TMEM143: variants seen among roughly 807,000 people sequenced by gnomAD.
The protein encoded by TMEM143 is transmembrane protein 143.
TMEM143 carries 45 observed loss-of-function variants against 40.3 expected under a neutral mutation model. The observed-to-expected ratio is 1.12, with a 90% CI of 0.88 to 1.43. The LOEUF is 1.43. Among genes scored for constraint, TMEM143 ranks in the 40% most tolerant of loss-of-function variants. The pLI, the probability that TMEM143 is intolerant of heterozygous loss-of-function variation, is 0.00. For synonymous variants in TMEM143, 299 were observed against 282.7 expected (o/e 1.06, Z -0.58); for missense variants, 620 against 613.4 (o/e 1.01, Z -0.11).
intron 4 of TMEM143, among the ~76,000 whole-genome samples, chr19:48,344,247 T>C (rs1014883727): frequency 3.3e-5 from 5 of 151,934 alleles, no homozygotes; most frequent in Admixed American, 3.3e-4. Flanking sequence ...CTTGGTTTTT[T>C]TTTTCTTTTT....
At chr19:48,354,271 T>C (rs971087785) in intron 3 of TMEM143, among the ~76,000 whole-genome samples, 5 of 148,170 alleles carry the variant, frequency 3.4e-5, no homozygotes, top group African/African-American at 7.5e-5. Flanking sequence ...TTTCTTTTTT[T>C]TTTTTTTTTT....
intron 6 of TMEM143, among the ~76,000 whole-genome samples, chr19:48,338,031 C>T (rs1969409816): frequency 9.0e-6 from 1 of 111,662 alleles, no homozygotes; most frequent in Non-Finnish European, 2.0e-5. Context: ...AGGGTCCCTT[C>T]AGCACTACCG....
At chr19:48,342,978 T>C in intron 5 of TMEM143, 169 bp from the exon 6 acceptor site, 1 of 821,110 alleles carries the variant, frequency 1.2e-6, no homozygotes, top group South Asian at 1.9e-5. Flanking sequence ...CCACAGGGGA[T>C]CGGTTCAATC....
Position 48,333,002 on chromosome 19 carries a change from CT to C in TMEM143, c.*216del. ...ATGGAACAGAAGCAGAGCTAAATCGCTTTGATTGGCTGTTCATCGAAGGGGC... is the reference window on the plus strand; with the variant it reads ...ATGGAACAGAAGCAGAGCTAAATCGCTTGATTGGCTGTTCATCGAAGGGGC... On this transcript the variant is annotated 3_prime_UTR_variant, in exon 8 of 8. Transcript: ENST00000293261. The surrounding 1 kb of genome is among the most constrained non-coding windows in gnomAD (Gnocchi z 4.1). The C allele has an allele frequency of 7.6e-6, 3 of 395,600 alleles. No homozygotes were observed. In the South Asian group the frequency reaches 2.9e-4, roughly 38 times the overall value. 24.5% of individuals were successfully genotyped at this position (395,600 alleles called of 1,614,324 possible). A position where few individuals can be genotyped will look rare whatever the true frequency, so the allele number is the denominator to read the frequency against.
chr19:48,353,328 A>ATGT (rs1969816940), intron 3 of TMEM143, among the ~76,000 whole-genome samples: 59 of 151,288 alleles, frequency 3.9e-4, no homozygotes, highest in African/African-American at 1.4e-3. Flanking sequence ...TACAGGCGCC[A>ATGT]GCCACCATGC....
At chr19:48,363,630 G>A (rs1464125480) in intron 1 of TMEM143, 99 bp from the exon 2 acceptor site, 2 of 1,486,344 alleles carry the variant, frequency 1.3e-6, no homozygotes, top group East Asian at 2.4e-5. Context: ...TCTACCCCAG[G>A]CAGGGCGCAG....
chr19:48,338,955 AC>A (rs1192071531), intron 6 of TMEM143, among the ~76,000 whole-genome samples: 1 of 152,168 alleles, frequency 6.6e-6, no homozygotes, highest in Non-Finnish European at 1.5e-5. Context: ...AGGGAACAGC[AC>A]AGGCAAAGGC....
rs1271485305 is a variant in TMEM143, at chr19:48,345,149, G to C, written c.564+11C>G. ...CTCCTGGGAGTTTTGTTCTCCTAGG[G>C]AGCCAAGTACCTGGACCTCATCCTG... On this transcript the variant is annotated intron_variant, in intron 4 of 7. Transcript: ENST00000293261. 6.2e-7 allele frequency: 1 copy of C among 1,611,870 alleles called. No individual in the cohort carries two copies. The highest frequency in any genetic ancestry group is 1.3e-5 in the African/African-American group (1 of 74,846).
rs770499244 is a variant in TMEM143 at position 48,334,454 on chromosome 19, CTTTCTT to C, written c.976-263_976-258del. Among the ~76,000 whole-genome samples, 75 of 44,374 alleles carry C rather than the reference CTTTCTT, an allele frequency of 1.7e-3. 1 individual carries two copies. Among genetic ancestry groups the C allele is most frequent in the African/African-American group, 7.0e-3 (73 of 10,382 alleles). 29.1% of individuals were successfully genotyped at this position (44,374 alleles called of 152,430 possible). On this transcript the variant is annotated intron_variant, in intron 6 of 7. Coordinates refer to ENST00000293261, the MANE Select transcript of TMEM143 (RefSeq NM_018273.4). ...TCTTTCTTTCTTTCTTTCTTTCTTT[CTTTCTT>C]TCTTTCTTTCTTTCTTTCTTTTTCT...
intron 2 of TMEM143, 39 bp from the exon 3 acceptor site, chr19:48,360,215 T>A (rs1970007087): frequency 1.3e-6 from 2 of 1,586,968 alleles, no homozygotes; most frequent in African/African-American, 2.7e-5. Context: ...GTAGGCCTTT[T>A]CCCCTTCCCC....
At chr19:48,340,260 G>A (rs1969460938) in intron 6 of TMEM143, among the ~76,000 whole-genome samples, 1 of 150,816 alleles carries the variant, frequency 6.6e-6, no homozygotes. Context: ...CAGAGTAGCT[G>A]GGATTACAGG....
At chr19:48,363,813 G>A (rs1197080729) in intron 1 of TMEM143, 85 bp downstream of exon 1, 7 of 1,596,764 alleles carry the variant, frequency 4.4e-6, no homozygotes, top group Non-Finnish European at 5.2e-6. Context: ...GTAGATCTTA[G>A]GAGAGCAGGA....
At chr19:48,359,957 T>C (rs575644581) in intron 3 of TMEM143, 115 bp downstream of exon 3, 4 of 1,000,274 alleles carry the variant, frequency 4.0e-6, no homozygotes, top group Admixed American at 5.3e-5. Context: ...ATGTTCACTA[T>C]TGAATCCCCA....
chr19:48,345,077 C>T, intron 4 of TMEM143, 83 bp downstream of exon 4: 4 of 1,457,952 alleles, frequency 2.7e-6, no homozygotes, highest in Non-Finnish European at 3.7e-6. Flanking sequence ...AGGACTACAA[C>T]TCCCAGCAGC....
chr19:48,363,717 GGGTCAGA>G lies in TMEM143; in HGVS notation c.23+174_23+180del. The stretch of plus-strand genomic sequence containing the variant: ...CTCAGTTGGCCTGGGTCCCAGACAG[GGGTCAGA>G]GGTCTTAGGTTCTGGGGCGTTTTTC... On this transcript the variant is annotated intron_variant, in intron 1 of 7. Coordinates refer to ENST00000293261, the MANE Select transcript of TMEM143 (RefSeq NM_018273.4). The G allele has an allele frequency of 5.9e-6, 8 of 1,352,810 alleles. No homozygotes were observed. The South Asian group carries it at 8.3e-5, about 14-fold the overall frequency. The allele number at this position is 1,352,810 out of a possible 1,614,324, so 83.8% of individuals were successfully genotyped here.
At chr19:48,352,541 G>A (rs1673153) in intron 3 of TMEM143, among the ~76,000 whole-genome samples, 110,160 of 150,772 alleles carry the variant, frequency 0.73, 40,428 homozygotes, top group East Asian at 0.83. Context: ...TTGGGAGGCC[G>A]AGGCGGGCGG....
rs1320058731 is a variant in TMEM143, at chr19:48,333,206, A to AGGT, written c.*10_*12dup. ...TTCCTAGCCTGCTGACTGGGCAGGG[A>AGGT]GGTAGGTTCTACTCAGGAGATGTTA... is the stretch of plus-strand genomic sequence containing the variant. On this transcript the variant is annotated 3_prime_UTR_variant, in exon 8 of 8. Coordinates refer to ENST00000293261, the MANE Select transcript of TMEM143 (RefSeq NM_018273.4). The surrounding 1 kb of genome is among the most constrained non-coding windows in gnomAD (Gnocchi z 4.1). 2.1e-6 allele frequency: 3 copies of AGGT among 1,435,084 alleles called. 1 individual carries two copies. The highest frequency in any genetic ancestry group is 3.8e-4 in the Middle Eastern group (2 of 5,230). The allele number at this position is 1,435,084 out of a possible 1,614,324, so 88.9% of individuals were successfully genotyped here.
chr19:48,347,295 C>T (rs895753113), intron 3 of TMEM143, among the ~76,000 whole-genome samples: 7 of 152,086 alleles, frequency 4.6e-5, no homozygotes, highest in Admixed American at 3.9e-4. Flanking sequence ...AGGCCAGGTG[C>T]GATTCTGAAT....
At chr19:48,349,487 T>C (rs1243109633) in intron 3 of TMEM143, among the ~76,000 whole-genome samples, 1 of 151,902 alleles carries the variant, frequency 6.6e-6, no homozygotes, top group Non-Finnish European at 1.5e-5. Context: ...CTACTAAAAA[T>C]ACAAAAAATT....
Sources: allele counts gnomAD v4.1 joint callset (sites outside exome capture counted in the v4.1 genomes callset), GRCh38; gene constraint gnomAD v4.1.1; non-coding constraint Gnocchi (gnomAD v3.1); transcripts MANE v1.5; gene names NCBI Gene and HGNC (gene_info 2026-07-23, HGNC 2026-07-21).